NXPH1: variants seen among roughly 807,000 people sequenced by gnomAD.
The protein encoded by NXPH1 is neurexophilin 1, also known as neurexophilin-1.
Under a neutral mutation model 23.7 loss-of-function variants are expected in NXPH1, and 5 were observed. The ratio of observed to expected loss-of-function variants is 0.21; its 90% CI spans 0.11 to 0.44. The LOEUF (loss-of-function observed/expected upper bound fraction) is 0.44. Among genes scored for constraint, NXPH1 ranks in the 20% least tolerant of loss-of-function variants. NXPH1 has a pLI of 0.99. For synonymous variants in NXPH1, 144 were observed against 122.2 expected (o/e 1.18, Z -1.18); for missense variants, 324 against 321.6 (o/e 1.01, Z -0.06).
At chr7:8,532,316 T>C (rs1276770538) in intron 2 of NXPH1, among the ~76,000 whole-genome samples, 1 of 152,052 alleles carries the variant, frequency 6.6e-6, no homozygotes, top group African/African-American at 2.4e-5. Flanking sequence ...ATTCATCCAG[T>C]GTAAGATAAA....
At chr7:8,563,664 G>C (rs1818488872) in intron 2 of NXPH1, among the ~76,000 whole-genome samples, 1 of 151,706 alleles carries the variant, frequency 6.6e-6, no homozygotes, top group African/African-American at 2.4e-5. Context: ...GGGTGATTCT[G>C]GTTGGGGGAA....
intron 2 of NXPH1, among the ~76,000 whole-genome samples, chr7:8,608,654 G>A (rs1459859562): frequency 6.6e-6 from 1 of 152,012 alleles, no homozygotes; most frequent in Non-Finnish European, 1.5e-5. Context: ...TTGATTTGCA[G>A]CTTTGAAAAC....
rs551456938 is a variant in NXPH1 at position 8,619,657 on chromosome 7, G to T, written c.55-131351G>T. On this transcript the variant is annotated intron_variant, in intron 2 of 2. Transcript: ENST00000405863. ...ATAGTTATAAATTCAGTATGAGAAAGTATTACAGATATCATGTCTTATCTT... is the reference window on the plus strand; with the variant it reads ...ATAGTTATAAATTCAGTATGAGAAATTATTACAGATATCATGTCTTATCTT... Among the ~76,000 whole-genome samples, 24 of 152,260 alleles carry T rather than the reference G, an allele frequency of 1.6e-4. 1 individual carries two copies. In the South Asian group the frequency reaches 5.0e-3, roughly 32 times the overall value.
chr7:8,576,470 T>A (rs1818757999), intron 2 of NXPH1, among the ~76,000 whole-genome samples: 1 of 152,136 alleles, frequency 6.6e-6, no homozygotes, highest in South Asian at 2.1e-4. Flanking sequence ...AGGAAACCTT[T>A]CTTGAAGTAC....
chr7:8,446,355 A>C (rs1300394380), intron 2 of NXPH1, among the ~76,000 whole-genome samples: 1 of 152,220 alleles, frequency 6.6e-6, no homozygotes, highest in East Asian at 1.9e-4. Flanking sequence ...TCAAAATTTT[A>C]GGAATGATGC....
At chr7:8,450,416 C>T (rs1584162544) in intron 2 of NXPH1, among the ~76,000 whole-genome samples, 1 of 152,382 alleles carries the variant, frequency 6.6e-6, no homozygotes, top group Admixed American at 6.5e-5. Flanking sequence ...GAGTTTCAGA[C>T]ATCCAACTAA....
intron 2 of NXPH1, among the ~76,000 whole-genome samples, chr7:8,499,653 A>G (rs1817398164): frequency 6.6e-6 from 1 of 152,004 alleles, no homozygotes; most frequent in Admixed American, 6.6e-5. Context: ...GGTAATCAAT[A>G]CTCATGCCTA....
intron 2 of NXPH1, among the ~76,000 whole-genome samples, chr7:8,507,019 A>T (rs577490059): frequency 6.6e-6 from 1 of 151,978 alleles, no homozygotes; most frequent in East Asian, 1.9e-4. Context: ...ATGAAAGGGG[A>T]GTAGGATGAG....
At chr7:8,600,627 G>A (rs1280583292) in intron 2 of NXPH1, among the ~76,000 whole-genome samples, 2 of 152,162 alleles carry the variant, frequency 1.3e-5, no homozygotes, top group African/African-American at 2.4e-5. Context: ...GGATTAAGTG[G>A]TATGACAACT....
chr7:8,676,315 GA>G (rs1820952252), intron 2 of NXPH1, among the ~76,000 whole-genome samples: 1 of 152,162 alleles, frequency 6.6e-6, no homozygotes, highest in South Asian at 2.1e-4. Context: ...GCAAAGGATG[GA>G]ATTCTGGTGC....
chr7:8,601,804 C>G (rs1192311295), intron 2 of NXPH1, among the ~76,000 whole-genome samples: 1 of 152,152 alleles, frequency 6.6e-6, no homozygotes, highest in Non-Finnish European at 1.5e-5. Context: ...TCCTGTAACT[C>G]AGAGCCACAA....
rs1462140977 is a variant in NXPH1 at position 8,447,757 on chromosome 7, T to C, written c.54+11990T>C. ...TTCTTCACAATTAGGGTGACTAACA[T>C]TAATATGTGGCCAGATGCATTTGCA... On this transcript the variant is annotated intron_variant, in intron 2 of 2. Coordinates refer to ENST00000405863, the MANE Select transcript of NXPH1 (RefSeq NM_152745.3). 6.6e-5 allele frequency among the ~76,000 whole-genome samples: 10 copies of C among 152,334 alleles called. No individual in the cohort carries two copies. The East Asian group carries it at 1.9e-3, about 29-fold the overall frequency.
At chr7:8,504,153 C>G (rs1817484238) in intron 2 of NXPH1, among the ~76,000 whole-genome samples, 2 of 152,028 alleles carry the variant, frequency 1.3e-5, no homozygotes, top group African/African-American at 4.8e-5. Flanking sequence ...TCCACAAAGC[C>G]TTTCCCATTT....
At chr7:8,552,680 A>G (rs1818298383) in intron 2 of NXPH1, among the ~76,000 whole-genome samples, 1 of 151,536 alleles carries the variant, frequency 6.6e-6, no homozygotes, top group Admixed American at 6.6e-5. Flanking sequence ...TTTCTCTTGG[A>G]TGCGAAGGCA....
At chr7:8,619,071 A>G (rs569490956) in intron 2 of NXPH1, among the ~76,000 whole-genome samples, 2 of 152,238 alleles carry the variant, frequency 1.3e-5, no homozygotes, top group Non-Finnish European at 2.9e-5. Flanking sequence ...TTAATGTGCT[A>G]TTTTCTCTCT....
intron 2 of NXPH1, among the ~76,000 whole-genome samples, chr7:8,454,687 G>A (rs1816562481): frequency 6.6e-6 from 1 of 152,106 alleles, no homozygotes; most frequent in East Asian, 1.9e-4. Flanking sequence ...GAGAAACGTG[G>A]CTCTAGAGGA....
At position 8,665,972 on chromosome 7, in the gene NXPH1, G is replaced by A. The variant is rs141043778; in HGVS notation, c.55-85036G>A. Among the ~76,000 whole-genome samples the A allele has an allele frequency of 6.8e-3, 806 of 118,766 alleles. 8 individuals are homozygous for A. The highest frequency in any genetic ancestry group is 0.024 in the African/African-American group (757 of 31,876). 77.9% of individuals were successfully genotyped at this position (118,766 alleles called of 152,430 possible). ...GGGTTTTTCTATTTGTTAAGACCAT[G>A]TCATCTACAAACAGGGACAATTTAG... On this transcript the variant is annotated intron_variant, in intron 2 of 2. Transcript: ENST00000405863.
chr7:8,649,701 G>T (rs1425755696), intron 2 of NXPH1, among the ~76,000 whole-genome samples: 1 of 152,106 alleles, frequency 6.6e-6, no homozygotes, highest in Non-Finnish European at 1.5e-5. Flanking sequence ...TTTAGCAGAT[G>T]CTTTTATAAT....
chr7:8,577,833 C>T (rs1031833515), intron 2 of NXPH1, among the ~76,000 whole-genome samples: 1 of 152,162 alleles, frequency 6.6e-6, no homozygotes, highest in African/African-American at 2.4e-5. Flanking sequence ...GAATCACTTG[C>T]TCCTTGAATC....
Sources: gnomAD v4.1 joint callset for allele counts (sites outside exome capture counted in the v4.1 genomes callset) on GRCh38, gnomAD v4.1.1 for gene constraint, MANE v1.5 for transcripts, NCBI Gene and HGNC (gene_info 2026-07-23, HGNC 2026-07-21) for gene names.